The following ZNG1B variants were observed in gnomAD, a reference collection of about 807,000 sequenced individuals.
ZNG1B encodes the protein Zn regulated GTPase metalloprotein activator 1B.
the ZNG1B span, among the ~76,000 whole-genome samples, chr2:113,473,665 A>G: frequency 6.7e-5 from 10 of 148,462 alleles, no homozygotes; most frequent in South Asian, 2.1e-4. Flanking sequence ...CGTCCCATCA[A>G]TACCTAATTT....
the ZNG1B span, among the ~76,000 whole-genome samples, chr2:113,442,541 C>T: frequency 6.6e-6 from 1 of 152,132 alleles, no homozygotes; most frequent in African/African-American, 2.4e-5. Flanking sequence ...CCTGAGATTT[C>T]TAATAACAGA....
At chr2:113,442,674 T>C in the ZNG1B span, among the ~76,000 whole-genome samples, 5 of 152,154 alleles carry the variant, frequency 3.3e-5, no homozygotes, top group Non-Finnish European at 7.4e-5. Context: ...CTCAATACTT[T>C]TCTTCATGTT....
the ZNG1B span, among the ~76,000 whole-genome samples, chr2:113,483,748 G>A: frequency 6.6e-6 from 1 of 151,534 alleles, no homozygotes; most frequent in Non-Finnish European, 1.5e-5. Context: ...AAAAACAAAT[G>A]TATTTTAATA....
chr2:113,466,977 T>C, the ZNG1B span, among the ~76,000 whole-genome samples: 1 of 146,460 alleles, frequency 6.8e-6, no homozygotes, highest in African/African-American at 2.5e-5. Flanking sequence ...GGCAGGAGAA[T>C]GGCGTGAACC....
the ZNG1B span, chr2:113,460,775 C>T: frequency 1.3e-6 from 2 of 1,571,932 alleles, no homozygotes; most frequent in Non-Finnish European, 1.7e-6. Context: ...AGAAAAATCA[C>T]TAAGATGAAA....
the ZNG1B span, among the ~76,000 whole-genome samples, chr2:113,440,746 G>A: frequency 6.9e-6 from 1 of 145,278 alleles, no homozygotes; most frequent in East Asian, 2.0e-4. Context: ...ATAAAGAAAT[G>A]ATATAGTCAT....
the ZNG1B span, chr2:113,438,876 C>G: frequency 2.4e-6 from 2 of 848,570 alleles, no homozygotes. Context: ...CAGGTACAGA[C>G]TTGGGCCACT....
chr2:113,453,236 T>C, the ZNG1B span: 1 of 1,573,596 alleles, frequency 6.4e-7, no homozygotes, highest in Non-Finnish European at 8.5e-7. Flanking sequence ...CTTTCTTGTT[T>C]TTTGTTTTTT....
the ZNG1B span, among the ~76,000 whole-genome samples, chr2:113,439,874 ATTT>A: frequency 4.4e-5 from 3 of 68,882 alleles, no homozygotes; most frequent in African/African-American, 6.0e-5. Context: ...CCTTCCCTTA[ATTT>A]TTTTTTTTTT....
the ZNG1B span, among the ~76,000 whole-genome samples, chr2:113,490,586 G>A: frequency 1.3e-5 from 2 of 152,156 alleles, no homozygotes; most frequent in Admixed American, 1.3e-4. Context: ...TAGACTGTTA[G>A]CAAGATCAGC....
At chr2:113,467,966 C>G in the ZNG1B span, among the ~76,000 whole-genome samples, 1 of 150,030 alleles carries the variant, frequency 6.7e-6, no homozygotes, top group Non-Finnish European at 1.5e-5. Context: ...CTGTAGGGAG[C>G]AAGGAGTTAG....
At chr2:113,450,467 A>C in the ZNG1B span, among the ~76,000 whole-genome samples, 1 of 149,952 alleles carries the variant, frequency 6.7e-6, no homozygotes, top group African/African-American at 2.5e-5. Flanking sequence ...ATAGGCTCTA[A>C]GTTTCTTTAG....
the ZNG1B span, among the ~76,000 whole-genome samples, chr2:113,488,144 G>T: frequency 6.6e-6 from 1 of 152,056 alleles, no homozygotes; most frequent in Non-Finnish European, 1.5e-5. Flanking sequence ...TGGAACAGGT[G>T]CTGGTATCCA....
At chr2:113,462,587 G>A in the ZNG1B span, 21 of 1,417,976 alleles carry the variant, frequency 1.5e-5, no homozygotes, top group Non-Finnish European at 1.9e-5. Context: ...GAAACTTAAG[G>A]TATAAGGTTG....
chr2:113,489,746 C>A, the ZNG1B span, among the ~76,000 whole-genome samples: 38,031 of 145,684 alleles, frequency 0.26, 5,583 homozygotes, highest in East Asian at 0.51. Context: ...CTTTAAAGAA[C>A]CAGCAGTTTA....
the ZNG1B span, among the ~76,000 whole-genome samples, chr2:113,463,357 C>T: frequency 6.6e-6 from 1 of 151,966 alleles, no homozygotes; most frequent in Non-Finnish European, 1.5e-5. Context: ...AATTACTATT[C>T]TTAGTATTTA....
the ZNG1B span, chr2:113,462,497 A>C: frequency 6.3e-7 from 1 of 1,594,034 alleles, no homozygotes; most frequent in Non-Finnish European, 8.5e-7. Context: ...ACAATTAGGT[A>C]CGAAATGATA....
the ZNG1B span, among the ~76,000 whole-genome samples, chr2:113,448,923 TAAA>T: frequency 6.6e-6 from 1 of 151,650 alleles, no homozygotes; most frequent in South Asian, 2.1e-4. Flanking sequence ...AATAAATAAA[TAAA>T]AAATAAGTCT....
chr2:113,438,473 C>T, the ZNG1B span, among the ~76,000 whole-genome samples: 1 of 152,198 alleles, frequency 6.6e-6, no homozygotes, highest in Admixed American at 6.5e-5. Context: ...GTAGATTCCC[C>T]TTCCCCACGA....
Sources: gnomAD v4.1 joint callset for allele counts (sites outside exome capture counted in the v4.1 genomes callset) on GRCh38, gnomAD v4.1.1 for gene constraint, MANE v1.5 for transcripts, NCBI Gene and HGNC (gene_info 2026-07-23, HGNC 2026-07-21) for gene names.